ABCC1: variants seen among roughly 807,000 people sequenced by gnomAD.
The protein encoded by ABCC1 is ATP binding cassette subfamily C member 1 (ABCC1 blood group).
Under a neutral mutation model 172.9 loss-of-function variants are expected in ABCC1, and 83 were observed. That is an observed-to-expected ratio of 0.48 (90% CI 0.40 to 0.58). ABCC1 has a LOEUF of 0.58. ABCC1 is among the 20% of genes least tolerant of loss of function. ABCC1 has a pLI of 0.00. For synonymous variants in ABCC1, 937 were observed against 825.2 expected, an observed-to-expected ratio of 1.14 and a Z score of -2.32; for missense variants, 1,817 against 2,002.7, an observed-to-expected ratio of 0.91 and a Z score of 1.77.
At position 16,044,548 on chromosome 16, in the gene ABCC1, A is replaced by G. The variant is rs747121430; in HGVS notation, c.908A>G (p.Lys303Arg). 7 of 1,614,076 alleles carry G rather than the reference A, an allele frequency of 4.3e-6. No individual in the cohort carries two copies. The African/African-American group carries it at 5.3e-5, about 12-fold the overall frequency. ...GAGGAGGTGGAGGCTTTGATCGTCA[A>G]GTCCCCACAGAAGGAGTGGAACCCC... ...ANEEVEALIV[K>R]SPQKEWNPSL... The change falls in exon 8 of 31, where the codon AAG becomes AGG. Residue 303 changes from lysine (K) to arginine (R), a missense_variant. Transcript: ENST00000399410.
At chr16:16,137,479 C>A (rs1184994431) in intron 29 of ABCC1, among the ~76,000 whole-genome samples, 1 of 144,526 alleles carries the variant, frequency 6.9e-6, no homozygotes, top group Admixed American at 6.9e-5. Flanking sequence ...AAGCAAGGAA[C>A]ATGTCTGATT....
At chr16:15,968,927 G>A in intron 1 of ABCC1, among the ~76,000 whole-genome samples, 1 of 151,134 alleles carries the variant, frequency 6.6e-6, no homozygotes, top group Admixed American at 6.6e-5. Context: ...AAAACAGTCA[G>A]CCAGGTGTGG....
chr16:16,064,945 G>T (rs376241825), intron 12 of ABCC1, among the ~76,000 whole-genome samples: 4 of 152,226 alleles, frequency 2.6e-5, no homozygotes, highest in African/African-American at 9.6e-5. Context: ...TCAGATCTTT[G>T]GAATAAGGGC....
intron 7 of ABCC1, among the ~76,000 whole-genome samples, chr16:16,037,397 G>A (rs2048798722): frequency 1.3e-5 from 2 of 152,186 alleles, no homozygotes; most frequent in Admixed American, 6.5e-5. Context: ...TCGGGAATCA[G>A]GCCAGTGCCT....
chr16:15,996,919 G>A (rs1049199221), intron 1 of ABCC1, among the ~76,000 whole-genome samples: 2 of 152,074 alleles, frequency 1.3e-5, no homozygotes, highest in African/African-American at 4.8e-5. Context: ...TATGCAACAG[G>A]AATTTTATGA....
intron 5 of ABCC1, among the ~76,000 whole-genome samples, chr16:16,021,804 A>G (rs930210204): frequency 5.3e-5 from 8 of 152,212 alleles, no homozygotes; most frequent in Non-Finnish European, 1.5e-5. Flanking sequence ...AAGGAAGGGT[A>G]GGAACCAGGT....
chr16:16,020,414 A>G (rs1424894272), intron 5 of ABCC1, among the ~76,000 whole-genome samples: 2 of 152,160 alleles, frequency 1.3e-5, no homozygotes, highest in Non-Finnish European at 2.9e-5. Flanking sequence ...ACCTTTTTGC[A>G]GATTAGAGTT....
intron 15 of ABCC1, 23 bp from the exon 16 acceptor site, chr16:16,079,329 C>G: frequency 6.2e-7 from 1 of 1,611,764 alleles, no homozygotes; most frequent in Non-Finnish European, 8.5e-7. Context: ...CGTGGCTGAG[C>G]CAGGTGTGTT....
intron 17 of ABCC1, among the ~76,000 whole-genome samples, chr16:16,085,567 G>A (rs528163152): frequency 6.6e-6 from 1 of 152,326 alleles, no homozygotes; most frequent in East Asian, 1.9e-4. Context: ...ATTGTCTGAG[G>A]TCAGGAGTTC....
chr16:16,087,617 C>G (rs1567388527), intron 18 of ABCC1, among the ~76,000 whole-genome samples: 1 of 152,130 alleles, frequency 6.6e-6, no homozygotes, highest in African/African-American at 2.4e-5. Flanking sequence ...ACCACCACGC[C>G]TGGCTAATTT....
At chr16:16,100,362 A>G (rs1054155623) in intron 19 of ABCC1, among the ~76,000 whole-genome samples, 3 of 6,756 alleles carry the variant, frequency 4.4e-4, no homozygotes, top group African/African-American at 5.7e-4. Context: ...CTGGTAGGAG[A>G]GCGGGGGGGC....
intron 30 of ABCC1, 46 bp downstream of exon 30, chr16:16,138,604 TACTC>T (rs767111748): frequency 1.7e-5 from 25 of 1,445,462 alleles, no homozygotes; most frequent in Non-Finnish European, 2.2e-5. Flanking sequence ...GAGTTTGCCT[TACTC>T]ACTGGCTCAC....
intron 21 of ABCC1, among the ~76,000 whole-genome samples, chr16:16,109,868 G>C (rs557676246): frequency 3.3e-5 from 5 of 152,262 alleles, no homozygotes; most frequent in Admixed American, 1.3e-4. Flanking sequence ...GGTGGCTTCT[G>C]CTTTCTGTCA....
intron 19 of ABCC1, among the ~76,000 whole-genome samples, chr16:16,096,200 G>A (rs1481810634): frequency 2.6e-5 from 4 of 151,094 alleles, no homozygotes; most frequent in African/African-American, 4.9e-5. Context: ...CTGCACTCTA[G>A]CCTGGGTAAC....
chr16:15,950,509 G>T (rs1278626362), intron 1 of ABCC1, among the ~76,000 whole-genome samples: 1 of 152,058 alleles, frequency 6.6e-6, no homozygotes, highest in African/African-American at 2.4e-5. Context: ...TCCCTTCCCT[G>T]CAACACGTGG....
intron 1 of ABCC1, among the ~76,000 whole-genome samples, chr16:15,951,808 G>A (rs1456662596): frequency 6.6e-6 from 1 of 151,956 alleles, no homozygotes. Flanking sequence ...TCCTAACTCA[G>A]CCTCCCAAGT....
rs559110142 is a variant in ABCC1 at position 16,111,957 on chromosome 16, C to T, written c.3079+375C>T. ...CGGACTTTTGCCTGCTGAGTGAGGG[C>T]GGAAATTGGCTTATACTAGTAATTC... On this transcript the variant is annotated intron_variant, in intron 22 of 30. Coordinates refer to ENST00000399410, the MANE Select transcript of ABCC1 (RefSeq NM_004996.4). Among the ~76,000 whole-genome samples the T allele has an allele frequency of 3.9e-5, 6 of 152,166 alleles. No homozygotes were observed. In the East Asian group the frequency reaches 5.8e-4, roughly 15 times the overall value.
chr16:16,007,989 A>G lies in ABCC1; in HGVS notation c.222A>G (p.Lys74=). 3.4e-6 allele frequency: 3 copies of G among 892,998 alleles called. No individual in the cohort carries two copies. The highest frequency in any genetic ancestry group is 3.2e-6 in the Non-Finnish European group (2 of 620,474). 55.3% of individuals were successfully genotyped at this position (892,998 alleles called of 1,614,324 possible). A position where few individuals can be genotyped will look rare whatever the true frequency, so the allele number is the denominator to read the frequency against. The change falls in exon 2 of 31, where the codon AAA becomes AAG. Residue 74 remains lysine, a synonymous_variant. Coordinates refer to ENST00000399410, the MANE Select transcript of ABCC1 (RefSeq NM_004996.4). The part of the protein sequence containing the change: ...YIQMTPLNKT[K]TALGFLLWIV... ...AGATGACACCTCTCAACAAAACCAAAACTGTAAGTCACTGGGGGGTTTCGT... is the reference window on the plus strand; with the variant it reads ...AGATGACACCTCTCAACAAAACCAAGACTGTAAGTCACTGGGGGGTTTCGT...
intron 1 of ABCC1, among the ~76,000 whole-genome samples, chr16:15,970,343 C>T (rs546866258): frequency 6.6e-6 from 1 of 152,326 alleles, no homozygotes; most frequent in East Asian, 1.9e-4. Flanking sequence ...TACGTCTCTC[C>T]TCGTCACATC....
Sources: gnomAD v4.1 joint callset for allele counts (sites outside exome capture counted in the v4.1 genomes callset) on GRCh38, gnomAD v4.1.1 for gene constraint, MANE v1.5 for transcripts, NCBI Gene and HGNC (gene_info 2026-07-23, HGNC 2026-07-21) for gene names.